Variants in RAPGEF6 observed in about 807,000 individuals in gnomAD.
RAPGEF6 encodes PDZ domain containing guanine nucleotide exchange factor (GEF) 2.
In RAPGEF6, 56 loss-of-function variants were observed where a neutral mutation model predicts 171.4. The observed-to-expected ratio is 0.33, with a 90% confidence interval of 0.26 to 0.41. The LOEUF (loss-of-function observed/expected upper bound fraction) is 0.41. Ranked by LOEUF, RAPGEF6 falls within the 10% of genes least tolerant of loss-of-function variation. The probability of loss-of-function intolerance (pLI) is 1.00; values close to 1 mark genes in which losing one functional copy is unlikely to be tolerated. For missense variants in RAPGEF6, 1,674 were observed against 1,921.4 expected, an observed-to-expected ratio of 0.87 and a Z score of 2.41; for synonymous variants, 692 against 650.1, an observed-to-expected ratio of 1.06 and a Z score of -0.98.
intron 1 of RAPGEF6, among the ~76,000 whole-genome samples, chr5:131,625,790 T>A (rs1014295552): frequency 6.9e-6 from 1 of 144,306 alleles, no homozygotes; most frequent in Non-Finnish European, 1.5e-5. Flanking sequence ...CGCTCCAGCC[T>A]GGGTGACAGA....
At chr5:131,467,326 C>A (rs537862322) in intron 17 of RAPGEF6, among the ~76,000 whole-genome samples, 1 of 152,184 alleles carries the variant, frequency 6.6e-6, no homozygotes, top group Non-Finnish European at 1.5e-5. Context: ...GCCTTTAGAA[C>A]AGATTCATAA....
chr5:131,519,487 C>T (rs533809187), intron 7 of RAPGEF6, among the ~76,000 whole-genome samples: 13 of 152,180 alleles, frequency 8.5e-5, no homozygotes, highest in South Asian at 2.1e-4. Flanking sequence ...CTGCAACCTC[C>T]GCCTCCTGGG....
intron 5 of RAPGEF6, among the ~76,000 whole-genome samples, chr5:131,553,662 A>G (rs1265521090): frequency 6.6e-6 from 1 of 152,182 alleles, no homozygotes; most frequent in Non-Finnish European, 1.5e-5. Context: ...GAGATGAGGA[A>G]TGTCTCTGAC....
Position 131,427,105 on chromosome 5 carries a change from G to T in RAPGEF6, c.*161C>A. The T allele has an allele frequency of 1.4e-6, 1 of 714,396 alleles. No homozygotes were observed. The highest frequency in any genetic ancestry group is 2.5e-6 in the Non-Finnish European group (1 of 404,972). 44.3% of individuals were successfully genotyped at this position (714,396 alleles called of 1,614,324 possible). ...ATCTGCAGAAATTAAATGAAAGGAA[G>T]CATAACTCAGGTCTATTTCATTGCT... is the stretch of plus-strand genomic sequence containing the variant. On this transcript the variant is annotated 3_prime_UTR_variant, in exon 28 of 28. Coordinates refer to ENST00000509018, the MANE Select transcript of RAPGEF6 (RefSeq NM_016340.6).
At chr5:131,538,045 T>C (rs2149934828) in intron 6 of RAPGEF6, among the ~76,000 whole-genome samples, 1 of 152,308 alleles carries the variant, frequency 6.6e-6, no homozygotes, top group African/African-American at 2.4e-5. Flanking sequence ...TGAGCTGTGA[T>C]CATTCCACTG....
At chr5:131,453,023 T>A in intron 21 of RAPGEF6, 31 bp downstream of exon 21, 1 of 1,597,644 alleles carries the variant, frequency 6.3e-7, no homozygotes, top group Non-Finnish European at 8.5e-7. Flanking sequence ...TTGATACCAC[T>A]CTAACACTTT....
In RAPGEF6 at chr5:131,568,077, G is replaced by GT. The variant is rs1327818226; in HGVS notation, c.282-6031dup. ...TTATTTGTGCTTTTACAGCTAAAGT[G>GT]TGTTTCCTGTATACAGCAGATAATA... On this transcript the variant is annotated intron_variant, in intron 4 of 27. Transcript: ENST00000509018. 3.3e-5 allele frequency among the ~76,000 whole-genome samples: 5 copies of GT among 152,272 alleles called. No homozygotes were observed. The East Asian group carries it at 9.6e-4, about 29-fold the overall frequency.
rs2149967682 is a variant in RAPGEF6, at chr5:131,562,014, A to T, written c.315T>A (p.Cys105Ter). The T allele has an allele frequency of 6.3e-7, 1 of 1,591,094 alleles. No homozygotes were observed. The highest frequency in any genetic ancestry group is 2.3e-5 in the East Asian group (1 of 43,570). The change falls in exon 5 of 28, where the codon TGT becomes TGA. Residue 105 changes from cysteine (C) to a stop codon, truncating the protein, a stop_gained. Transcript: ENST00000509018. LOFTEE classifies it high-confidence loss of function. ...CTGAAGGCTCTAATACAAGACAATCACATCCTCTTTTTCCTCCAAACTGCT... is the reference window on the plus strand; with the variant it reads ...CTGAAGGCTCTAATACAAGACAATCTCATCCTCTTTTTCCTCCAAACTGCT... ...FGKQFGGKRGCDCLVLEPSEM... is the reference protein window; with the variant it reads ...FGKQFGGKRG
At position 131,482,321 on chromosome 5, in the gene RAPGEF6, T is replaced by C. The variant is rs561619828; in HGVS notation, c.1841-2568A>G. 2.0e-5 allele frequency among the ~76,000 whole-genome samples: 3 copies of C among 152,260 alleles called. No homozygotes were observed. The South Asian group carries it at 6.2e-4, about 32-fold the overall frequency. On this transcript the variant is annotated intron_variant, in intron 15 of 27. Coordinates refer to ENST00000509018, the MANE Select transcript of RAPGEF6 (RefSeq NM_016340.6). ...GTATATATGTACATTTATATATGCA[T>C]TTTTTGGAAACAGGGTCAGGTCTCA...
chr5:131,500,409 G>C (rs760662411), intron 11 of RAPGEF6, among the ~76,000 whole-genome samples: 2 of 152,112 alleles, frequency 1.3e-5, no homozygotes, highest in African/African-American at 2.4e-5. Context: ...TAGAATAGCT[G>C]AGTGAGGGAT....
chr5:131,464,177 G>C lies in RAPGEF6; in HGVS notation c.2344C>G (p.His782Asp). The C allele has an allele frequency of 6.2e-7, 1 of 1,613,886 alleles. No individual in the cohort carries two copies. Among genetic ancestry groups the C allele is most frequent in the Non-Finnish European group, 8.5e-7 (1 of 1,179,862 alleles). The stretch of plus-strand genomic sequence containing the variant: ...GATGCACCGGTCAAACCAAATTCAT[G>C]AACAGCATGAAAAACTACTTCTTTA... ...TAKEVVFHAV[H>D]EFGLTGASDT... is the part of the protein sequence containing the mutation. Residue 782 changes from histidine (H) to aspartate (D), a missense_variant, in exon 18 of 28, where the codon CAT becomes GAT. This residue lies in a region of RAPGEF6 where 1,116 missense variants were observed against 1,321.5 expected (regional missense o/e 0.84). Coordinates refer to ENST00000509018, the MANE Select transcript of RAPGEF6 (RefSeq NM_016340.6).
chr5:131,442,674 AT>A, intron 22 of RAPGEF6, 137 bp from the exon 23 acceptor site: 1 of 1,353,174 alleles, frequency 7.4e-7, no homozygotes, highest in Non-Finnish European at 9.7e-7. Context: ...CTTAGCAGGA[AT>A]TTCAGTTAAG....
intron 3 of RAPGEF6, among the ~76,000 whole-genome samples, chr5:131,602,580 G>T (rs1764322916): frequency 6.6e-6 from 1 of 152,136 alleles, no homozygotes; most frequent in Admixed American, 6.6e-5. Flanking sequence ...GACCAACATG[G>T]TAAAACCTCA....
Position 131,431,135 on chromosome 5 carries a change from C to A in RAPGEF6, c.4189G>T (p.Asp1397Tyr). 1 of 1,614,102 alleles carries A rather than the reference C, an allele frequency of 6.2e-7. No homozygotes were observed. Among genetic ancestry groups the A allele is most frequent in the Non-Finnish European group, 8.5e-7 (1 of 1,180,030 alleles). The change falls in exon 26 of 28, where the codon GAT becomes TAT. Residue 1397 changes from aspartate to tyrosine, a missense_variant. Transcript: ENST00000509018. ...GGTTCAACTTCAGCAATGGGGTCAT[C>A]CAAATGGGTATGTCTGTAAGAGTTC... is the stretch of plus-strand genomic sequence containing the variant. The part of the protein sequence containing the change: ...FLNSYRHTHL[D>Y]DPIAEVEPTD...
intron 1 of RAPGEF6, among the ~76,000 whole-genome samples, chr5:131,633,289 C>T (rs922355142): frequency 2.0e-5 from 3 of 152,068 alleles, no homozygotes; most frequent in Non-Finnish European, 2.9e-5. Context: ...GAGCAGAGAT[C>T]GTGCCACTGC....
intron 15 of RAPGEF6, among the ~76,000 whole-genome samples, chr5:131,485,806 T>C (rs988982921): frequency 6.6e-6 from 1 of 152,220 alleles, no homozygotes; most frequent in African/African-American, 2.4e-5. Context: ...GAACACTTAA[T>C]TTGATTTTTA....
At chr5:131,586,407 C>T (rs1448811995) in intron 4 of RAPGEF6, among the ~76,000 whole-genome samples, 1 of 152,214 alleles carries the variant, frequency 6.6e-6, no homozygotes. Flanking sequence ...AATCCCAGCA[C>T]TTTGGGAAGC....
chr5:131,521,280 C>A lies in RAPGEF6; in HGVS notation c.627+110G>T, dbSNP rs536549030. 10 of 1,155,696 alleles carry A rather than the reference C, an allele frequency of 8.7e-6. No homozygotes were observed. In the South Asian group the frequency reaches 2.0e-4, roughly 23 times the overall value. The allele number at this position is 1,155,696 out of a possible 1,614,324, so 71.6% of individuals were successfully genotyped here. ...AAAGCTTATTTTTCTAAAGACCTTA[C>A]GCTTGAATTTCATACTCTAAAAGAT... On this transcript the variant is annotated intron_variant, in intron 7 of 27. Transcript: ENST00000509018.
intron 12 of RAPGEF6, among the ~76,000 whole-genome samples, 190 bp downstream of exon 12, chr5:131,498,253 C>T (rs31251): frequency 0.42 from 63,891 of 152,010 alleles, 16,430 homozygotes; most frequent in Non-Finnish European, 0.57. Context: ...TTAAGGCTCT[C>T]GTCCACTTTT....
Sources: gnomAD v4.1 joint callset for allele counts (sites outside exome capture counted in the v4.1 genomes callset) on GRCh38, gnomAD v4.1.1 for gene constraint, gnomAD v4.1.1 regional missense constraint, MANE v1.5 for transcripts, NCBI Gene and HGNC (gene_info 2026-07-23, HGNC 2026-07-21) for gene names.